KCNH5: variants seen among roughly 807,000 people sequenced by gnomAD.
KCNH5 encodes potassium voltage-gated channel subfamily H member 5, also known as voltage-gated delayed rectifier potassium channel KCNH5.
KCNH5 carries 46 observed loss-of-function variants against 96.1 expected under a neutral mutation model. The observed-to-expected ratio is 0.48, with a 90% CI of 0.38 to 0.61. KCNH5 has a LOEUF of 0.61. Among genes scored for constraint, KCNH5 ranks in the 20% least tolerant of loss-of-function variants. The probability of loss-of-function intolerance (pLI) is 0.00; values close to 1 mark genes in which losing one functional copy is unlikely to be tolerated. For synonymous variants in KCNH5, 439 were observed against 449.8 expected (o/e 0.98, Z 0.30); for missense variants, 907 against 1,225.8 (o/e 0.74, Z 3.88).
chr14:62,900,821 A>G (rs1888910549), intron 7 of KCNH5, among the ~76,000 whole-genome samples: 2 of 152,222 alleles, frequency 1.3e-5, no homozygotes, highest in South Asian at 4.1e-4. Flanking sequence ...CACATGTGAC[A>G]CACAGGGAGA....
intron 8 of KCNH5, among the ~76,000 whole-genome samples, chr14:62,829,934 A>T (rs1887308244): frequency 6.6e-6 from 1 of 152,290 alleles, no homozygotes; most frequent in South Asian, 2.1e-4. Flanking sequence ...TCTCTTCATG[A>T]ACGGATATTA....
intron 1 of KCNH5, among the ~76,000 whole-genome samples, chr14:63,036,969 T>C (rs1472237300): frequency 6.6e-6 from 1 of 152,098 alleles, no homozygotes; most frequent in East Asian, 1.9e-4. Flanking sequence ...TTTTCAGCAT[T>C]ATGGAGGAGG....
At chr14:62,792,650 G>A (rs1028580277) in intron 9 of KCNH5, among the ~76,000 whole-genome samples, 8 of 151,604 alleles carry the variant, frequency 5.3e-5, no homozygotes, top group East Asian at 1.9e-4. Flanking sequence ...CTACGATATC[G>A]TTCATATTAT....
At chr14:62,776,213 G>A (rs1338720037) in intron 10 of KCNH5, among the ~76,000 whole-genome samples, 1 of 151,908 alleles carries the variant, frequency 6.6e-6, no homozygotes, top group African/African-American at 2.4e-5. Context: ...GTTGCAGTGA[G>A]TCGAGATCGC....
chr14:62,870,521 A>T (rs1299503919), intron 7 of KCNH5, among the ~76,000 whole-genome samples: 1 of 152,166 alleles, frequency 6.6e-6, no homozygotes, highest in Non-Finnish European at 1.5e-5. Context: ...CACACACATA[A>T]AAATAGGTAA....
intron 6 of KCNH5, among the ~76,000 whole-genome samples, chr14:62,962,195 G>A (rs547956618): frequency 1.3e-5 from 2 of 152,268 alleles, no homozygotes; most frequent in South Asian, 2.1e-4. Flanking sequence ...TGAAAATGTT[G>A]AGGTTGTATT....
chr14:63,006,245 C>T, intron 3 of KCNH5, 121 bp downstream of exon 3: 1 of 480,618 alleles, frequency 2.1e-6, no homozygotes, highest in Non-Finnish European at 3.7e-6. Context: ...AACCTCTGCC[C>T]CTGCCAAGAA....
chr14:62,772,079 TTC>T (rs1885998629), intron 10 of KCNH5, among the ~76,000 whole-genome samples: 1 of 152,156 alleles, frequency 6.6e-6, no homozygotes, highest in Non-Finnish European at 1.5e-5. Flanking sequence ...CATAGTAATC[TTC>T]TGTTAGTTTT....
chr14:62,715,467 T>A (rs1326845344), intron 10 of KCNH5, among the ~76,000 whole-genome samples: 1 of 152,166 alleles, frequency 6.6e-6, no homozygotes, highest in East Asian at 1.9e-4. Context: ...AGCCCTCCAA[T>A]CCATGACAAC....
intron 7 of KCNH5, among the ~76,000 whole-genome samples, chr14:62,885,366 A>G (rs1391130702): frequency 6.6e-6 from 1 of 152,230 alleles, no homozygotes; most frequent in Non-Finnish European, 1.5e-5. Flanking sequence ...TATAATAACT[A>G]AGATGATCAG....
chr14:62,833,234 G>A (rs755201825), intron 8 of KCNH5, among the ~76,000 whole-genome samples: 3 of 151,884 alleles, frequency 2.0e-5, no homozygotes, highest in Non-Finnish European at 4.4e-5. Context: ...CCAATGTAAA[G>A]AAGATTTTCT....
At chr14:62,903,039 G>A (rs1405454085) in intron 7 of KCNH5, among the ~76,000 whole-genome samples, 2 of 152,162 alleles carry the variant, frequency 1.3e-5, no homozygotes, top group African/African-American at 4.8e-5. Flanking sequence ...TCATAAGACA[G>A]TTATGAATAA....
At chr14:62,956,910 A>T (rs1383393730) in intron 6 of KCNH5, among the ~76,000 whole-genome samples, 1 of 152,042 alleles carries the variant, frequency 6.6e-6, no homozygotes, top group East Asian at 1.9e-4. Context: ...TTTCACTCCA[A>T]ACTTTCCAAT....
chr14:62,957,641 C>T (rs1890129951), intron 6 of KCNH5, among the ~76,000 whole-genome samples: 1 of 152,182 alleles, frequency 6.6e-6, no homozygotes, highest in Admixed American at 6.6e-5. Context: ...TAAATGACTG[C>T]AGCAGATCCA....
At chr14:62,937,276 ATCATCATCTC>A (rs1417979501) in intron 7 of KCNH5, among the ~76,000 whole-genome samples, 1 of 152,066 alleles carries the variant, frequency 6.6e-6, no homozygotes, top group African/African-American at 2.4e-5. Context: ...AACCACCACC[ATCATCATCTC>A]TCTCCTTGAC....
chr14:62,743,321 T>C (rs1885310926), intron 10 of KCNH5, among the ~76,000 whole-genome samples: 1 of 152,200 alleles, frequency 6.6e-6, no homozygotes, highest in African/African-American at 2.4e-5. Context: ...AATTCTAATG[T>C]GCAGCCAGGG....
At chr14:62,942,993 A>T (rs1341936184) in intron 7 of KCNH5, among the ~76,000 whole-genome samples, 1 of 152,164 alleles carries the variant, frequency 6.6e-6, no homozygotes, top group Non-Finnish European at 1.5e-5. Context: ...ATGAATACCC[A>T]AATTCCAATC....
intron 10 of KCNH5, among the ~76,000 whole-genome samples, chr14:62,708,828 G>T (rs1373149351): frequency 6.6e-6 from 1 of 152,132 alleles, no homozygotes; most frequent in South Asian, 2.1e-4. Flanking sequence ...ATTTGTATAT[G>T]TATATATGTG....
intron 6 of KCNH5, among the ~76,000 whole-genome samples, chr14:62,979,323 T>C (rs1890561901): frequency 6.6e-6 from 1 of 152,064 alleles, no homozygotes; most frequent in South Asian, 2.1e-4. Flanking sequence ...TTGATGTAGG[T>C]GGACTCAAAA....
Sources: gnomAD v4.1 joint callset for allele counts (sites outside exome capture counted in the v4.1 genomes callset) on GRCh38, gnomAD v4.1.1 for gene constraint, MANE v1.5 for transcripts, NCBI Gene and HGNC (gene_info 2026-07-23, HGNC 2026-07-21) for gene names.